The following PLCL2 variants were observed in gnomAD, a reference collection of about 807,000 sequenced individuals.
PLCL2 encodes the protein inactive phospholipase C-like protein 2.
A neutral mutation model predicts 79.6 loss-of-function variants in PLCL2; 4 were observed. That is an observed-to-expected ratio of 0.05 (90% CI 0.02 to 0.11). The LOEUF is 0.11. Among genes scored for constraint, PLCL2 ranks in the 10% least tolerant of loss-of-function variants. The pLI, the probability that PLCL2 is intolerant of heterozygous loss-of-function variation, is 1.00. For missense variants in PLCL2, 895 were observed against 1,291.0 expected, an observed-to-expected ratio of 0.69 and a Z score of 4.70; for synonymous variants, 484 against 457.7, an observed-to-expected ratio of 1.06 and a Z score of -0.73.
intron 1 of PLCL2, among the ~76,000 whole-genome samples, chr3:16,917,910 G>GA (rs1697034325): frequency 6.6e-6 from 1 of 152,140 alleles, no homozygotes; most frequent in African/African-American, 2.4e-5. Flanking sequence ...ATGCAAAAGG[G>GA]AAACTCAGTC....
intron 5 of PLCL2, among the ~76,000 whole-genome samples, chr3:17,077,552 C>T (rs1429655584): frequency 1.3e-5 from 2 of 152,196 alleles, no homozygotes; most frequent in Non-Finnish European, 2.9e-5. Context: ...TTTCAATCCA[C>T]CAGCTTAATC....
At chr3:16,940,029 G>A (rs1559492170) in intron 1 of PLCL2, among the ~76,000 whole-genome samples, 1 of 152,176 alleles carries the variant, frequency 6.6e-6, no homozygotes, top group Non-Finnish European at 1.5e-5. Context: ...CCCTAAATGA[G>A]TGGGGTTTGG....
chr3:16,985,004 A>G lies in PLCL2; in HGVS notation c.328-24670A>G, dbSNP rs561122144. Among the ~76,000 whole-genome samples, 8 of 152,298 alleles carry G rather than the reference A, an allele frequency of 5.3e-5. No individual in the cohort carries two copies. The East Asian group carries it at 1.5e-3, about 29-fold the overall frequency. On this transcript the variant is annotated intron_variant, in intron 1 of 5. Transcript: ENST00000615277. ...AATAGATTACTTGAAAGAAGCTAAG[A>G]TAACTGTTTTCATGAAGTATAAGCA...
In PLCL2 at chr3:16,997,532, C is replaced by CTTTTTTTT. The variant is rs747893839; in HGVS notation, c.328-12133_328-12126dup. Among the ~76,000 whole-genome samples the CTTTTTTTT allele has an allele frequency of 5.3e-5, 7 of 131,694 alleles. 1 individual carries two copies. Among genetic ancestry groups the CTTTTTTTT allele is most frequent in the Admixed American group, 8.2e-5 (1 of 12,176 alleles). The allele number at this position is 131,694 out of a possible 152,430, so 86.4% of individuals were successfully genotyped here. A position where few individuals can be genotyped will look rare whatever the true frequency, so the allele number is the denominator to read the frequency against. On this transcript the variant is annotated intron_variant, in intron 1 of 5. Coordinates refer to ENST00000615277, the MANE Select transcript of PLCL2 (RefSeq NM_001144382.2). ...CTCCACATACACATTAATTTCTTTT[C>CTTTTTTTT]TTTTTTTTTTTTTTTTGAGATGGAG...
At chr3:16,996,937 C>T (rs1271849058) in intron 1 of PLCL2, among the ~76,000 whole-genome samples, 1 of 152,058 alleles carries the variant, frequency 6.6e-6, no homozygotes, top group East Asian at 1.9e-4. Flanking sequence ...ATTTTACATC[C>T]AAAAGACCTC....
intron 4 of PLCL2, among the ~76,000 whole-genome samples, chr3:17,059,092 G>A (rs943957551): frequency 2.0e-5 from 3 of 152,068 alleles, no homozygotes; most frequent in African/African-American, 7.2e-5. Flanking sequence ...CAAATACTTA[G>A]GGAAAGTCAT....
intron 1 of PLCL2, among the ~76,000 whole-genome samples, chr3:16,993,225 G>A (rs1021811342): frequency 2.0e-5 from 3 of 152,188 alleles, no homozygotes; most frequent in Admixed American, 6.5e-5. Context: ...GGCAGTCCCT[G>A]TTGATGTGGC....
intron 3 of PLCL2, among the ~76,000 whole-genome samples, chr3:17,023,634 C>T (rs2064479933): frequency 6.6e-6 from 1 of 152,148 alleles, no homozygotes; most frequent in South Asian, 2.1e-4. Flanking sequence ...TATTAATCCT[C>T]CTTTTATTCC....
rs142974149 is a variant in PLCL2, at chr3:16,985,222, G to A, written c.328-24452G>A. ...AGGCTGGGAATGGTAGCTCCACTCC[G>A]GGTGCCTATAGCTCCCTGGGCATAC... On this transcript the variant is annotated intron_variant, in intron 1 of 5. Coordinates refer to ENST00000615277, the MANE Select transcript of PLCL2 (RefSeq NM_001144382.2). Among the ~76,000 whole-genome samples, 254 of 152,120 alleles carry A rather than the reference G, an allele frequency of 1.7e-3. 2 individuals are homozygous for A. Among genetic ancestry groups the A allele is most frequent in the African/African-American group, 4.9e-3 (205 of 41,462 alleles).
intron 1 of PLCL2, among the ~76,000 whole-genome samples, chr3:16,996,191 G>A (rs753355837): frequency 1.8e-4 from 28 of 152,124 alleles, no homozygotes; most frequent in Non-Finnish European, 2.9e-4. Context: ...TGAGTCCCAG[G>A]CTTAGCACAT....
chr3:16,894,219 G>T (rs1164674178), intron 1 of PLCL2, among the ~76,000 whole-genome samples: 1 of 152,000 alleles, frequency 6.6e-6, no homozygotes, highest in Non-Finnish European at 1.5e-5. Context: ...AAAGGATATT[G>T]CTTAGATTTT....
At position 17,011,551 on chromosome 3, in the gene PLCL2, G is replaced by A. The variant is rs1160043746; in HGVS notation, c.2205G>A (p.Glu735=). ...TCCTCCGGCCAGCCATCATGAGGGA[G>A]GAGGTCTCCTTCTTCAGCGCCAATA... ...GYVLRPAIMR[E]EVSFFSANTK... is the part of the protein sequence containing the mutation. Residue 735 remains glutamate, a synonymous_variant, in exon 2 of 6, where the codon GAG becomes GAA. Transcript: ENST00000615277. This position sits in a 1 kb window ranked among gnomAD's most constrained non-coding sequence, Gnocchi z 7.9. 6.2e-7 allele frequency: 1 copy of A among 1,614,024 alleles called. No individual in the cohort carries two copies. The highest frequency in any genetic ancestry group is 1.3e-5 in the African/African-American group (1 of 74,896).
At chr3:16,909,049 G>C (rs74738937) in intron 1 of PLCL2, among the ~76,000 whole-genome samples, 7 of 152,296 alleles carry the variant, frequency 4.6e-5, no homozygotes, top group Non-Finnish European at 1.0e-4. Context: ...CCAGAGGGCA[G>C]ACCATGGTTA....
intron 5 of PLCL2, among the ~76,000 whole-genome samples, chr3:17,087,149 C>T (rs2065229147): frequency 6.6e-6 from 1 of 152,056 alleles, no homozygotes; most frequent in Non-Finnish European, 1.5e-5. Context: ...GCGATCATAC[C>T]CCTTGGAATG....
intron 4 of PLCL2, among the ~76,000 whole-genome samples, chr3:17,048,287 A>G (rs773640778): frequency 4.6e-5 from 7 of 152,194 alleles, no homozygotes; most frequent in Non-Finnish European, 1.0e-4. Flanking sequence ...GGACAACACA[A>G]GTTTGAACAG....
At chr3:17,053,955 G>T (rs2064868727) in intron 4 of PLCL2, among the ~76,000 whole-genome samples, 1 of 152,148 alleles carries the variant, frequency 6.6e-6, no homozygotes, top group African/African-American at 2.4e-5. Flanking sequence ...CAGCCTGCTT[G>T]AATTCCTCCT....
intron 4 of PLCL2, among the ~76,000 whole-genome samples, chr3:17,056,071 A>G (rs2064889442): frequency 6.6e-6 from 1 of 152,094 alleles, no homozygotes; most frequent in Non-Finnish European, 1.5e-5. Flanking sequence ...AAACCCATGG[A>G]GTCTCTGAAA....
At chr3:17,020,043 C>T (rs1318918421) in intron 3 of PLCL2, among the ~76,000 whole-genome samples, 2 of 152,134 alleles carry the variant, frequency 1.3e-5, no homozygotes, top group African/African-American at 4.8e-5. Context: ...TGATCTAATT[C>T]ATCATCTTTT....
intron 1 of PLCL2, among the ~76,000 whole-genome samples, chr3:16,977,676 T>TA (rs1250192497): frequency 6.6e-6 from 1 of 152,258 alleles, no homozygotes; most frequent in Non-Finnish European, 1.5e-5. Context: ...GTACTGGTGT[T>TA]AATGAAGTAA....
Sources: allele counts gnomAD v4.1 joint callset (sites outside exome capture counted in the v4.1 genomes callset), GRCh38; gene constraint gnomAD v4.1.1; non-coding constraint Gnocchi (gnomAD v3.1); transcripts MANE v1.5; gene names NCBI Gene and HGNC (gene_info 2026-07-23, HGNC 2026-07-21).